Variants in COL20A1 observed in about 807,000 individuals in gnomAD.
COL20A1 encodes the protein collagen type XX alpha 1 chain.
Under a neutral mutation model 152.9 loss-of-function variants are expected in COL20A1, and 164 were observed. The observed-to-expected ratio is 1.07, with a 90% CI of 0.94 to 1.22. COL20A1 has a LOEUF of 1.22. COL20A1 is among the 50% of genes most tolerant of loss of function. The probability of loss-of-function intolerance (pLI) is 0.00; values close to 1 mark genes in which losing one functional copy is unlikely to be tolerated. For synonymous variants in COL20A1, 864 were observed against 756.0 expected, an observed-to-expected ratio of 1.14 and a Z score of -2.34; for missense variants, 1,873 against 1,744.8, an observed-to-expected ratio of 1.07 and a Z score of -1.31.
chr20:63,311,392 A>G lies in COL20A1; in HGVS notation c.1394-2A>G. 1 of 1,579,586 alleles carries G rather than the reference A, an allele frequency of 6.3e-7. No homozygotes were observed. The highest frequency in any genetic ancestry group is 8.6e-7 in the Non-Finnish European group (1 of 1,164,188). The stretch of plus-strand genomic sequence containing the variant: ...CTAAAGTGTCCCTGCATGGCCCCCC[A>G]GCACCTCTGCCTCCGCCCCGGGCGC... On this transcript the variant is annotated splice_acceptor_variant, in intron 11 of 35. Coordinates refer to ENST00000358894, the MANE Select transcript of COL20A1 (RefSeq NM_020882.4). LOFTEE classifies it high-confidence loss of function. This position sits in a 1 kb window ranked among gnomAD's most constrained non-coding sequence, Gnocchi z 4.4.
rs748341651 is a variant in COL20A1 at position 63,321,044 on chromosome 20, C to T, written c.3185C>T (p.Ser1062Phe). The change falls in exon 26 of 36, where the codon TCT (serine) becomes TTT (phenylalanine). Residue 1062 changes from serine (S) to phenylalanine (F), a missense_variant. Coordinates refer to ENST00000358894, the MANE Select transcript of COL20A1 (RefSeq NM_020882.4). ...RDGETCPAFV[S>F]ACSCSSETPG... Reference sequence around the variant, plus strand: ...GGAGAGACCTGCCCCGCCTTCGTGTCTGCCTGTTCCTGTTCCTCAGAGACC... The same window carrying T: ...GGAGAGACCTGCCCCGCCTTCGTGTTTGCCTGTTCCTGTTCCTCAGAGACC... 2.4e-5 allele frequency: 39 copies of T among 1,600,684 alleles called. No individual in the cohort carries two copies. Among genetic ancestry groups the T allele is most frequent in the Non-Finnish European group, 3.2e-5 (37 of 1,174,514 alleles).
At chr20:63,295,779 G>C (rs549366194) in intron 2 of COL20A1, among the ~76,000 whole-genome samples, 2 of 152,246 alleles carry the variant, frequency 1.3e-5, no homozygotes, top group Non-Finnish European at 2.9e-5. Context: ...TCTTCCTCCT[G>C]TTGAGAAATG....
intron 26 of COL20A1, 104 bp from the exon 27 acceptor site, chr20:63,321,954 C>A: frequency 2.3e-6 from 2 of 855,516 alleles, no homozygotes; most frequent in South Asian, 1.8e-5. Flanking sequence ...CTGGGTGGGG[C>A]ATGGGGCTCA....
intron 2 of COL20A1, among the ~76,000 whole-genome samples, chr20:63,296,517 T>C (rs1469760262): frequency 6.6e-6 from 1 of 152,180 alleles, no homozygotes; most frequent in Non-Finnish European, 1.5e-5. Context: ...TGGCCCAGGC[T>C]GGGTGCGGCC....
intron 35 of COL20A1, 32 bp from the exon 36 acceptor site, chr20:63,330,686 CCT>C (rs1568793367): frequency 6.6e-6 from 1 of 152,312 alleles, no homozygotes; most frequent in Non-Finnish European, 1.5e-5. Flanking sequence ...CTGTCTTCGG[CCT>C]CTCACATCTG....
At position 63,325,436 on chromosome 20, in the gene COL20A1, T is replaced by G. The variant is rs777469001; in HGVS notation, c.3295-5T>G. The G allele has an allele frequency of 6.2e-7, 1 of 1,611,440 alleles. No homozygotes were observed. Among genetic ancestry groups the G allele is most frequent in the South Asian group, 1.1e-5 (1 of 90,950 alleles). ...TTCGCTGTCCAGCCCATCTTCCCCC[T>G]CCAGGGTCCACCAGGGGTCAAAGGA... On this transcript the variant is annotated splice_region_variant and splice_polypyrimidine_tract_variant and intron_variant, in intron 27 of 35. Transcript: ENST00000358894.
intron 3 of COL20A1, among the ~76,000 whole-genome samples, chr20:63,304,170 T>C (rs1462545121): frequency 1.2e-4 from 12 of 99,934 alleles, no homozygotes; most frequent in Admixed American, 2.1e-4. Flanking sequence ...CCTCCCTCCC[T>C]TCCTCCCTCC....
intron 29 of COL20A1, among the ~76,000 whole-genome samples, 174 bp downstream of exon 29, chr20:63,325,895 GC>G (rs1182309523): frequency 6.6e-6 from 1 of 152,012 alleles, no homozygotes; most frequent in Non-Finnish European, 1.5e-5. Flanking sequence ...AGGCTGGAGA[GC>G]TCCAGCCCAC....
intron 2 of COL20A1, among the ~76,000 whole-genome samples, chr20:63,295,453 C>T (rs1208914714): frequency 6.6e-6 from 1 of 152,248 alleles, no homozygotes; most frequent in Admixed American, 6.5e-5. Context: ...CCACGAACAC[C>T]TTTCGGAGCA....
At position 63,311,302 on chromosome 20, in the gene COL20A1, C is replaced by T. The variant is rs754754418; in HGVS notation, c.1394-92C>T. 87 of 1,351,992 alleles carry T rather than the reference C, an allele frequency of 6.4e-5. No homozygotes were observed. The highest frequency in any genetic ancestry group is 6.4e-4 in the Middle Eastern group (3 of 4,716). The allele number at this position is 1,351,992 out of a possible 1,614,324, so 83.7% of individuals were successfully genotyped here. A position where few individuals can be genotyped will look rare whatever the true frequency, so the allele number is the denominator to read the frequency against. ...TCCTGTGCACCTGCCAGGCGGTGGC[C>T]GTGCCCACCCACTCTGGTGTGAGGG... is the stretch of plus-strand genomic sequence containing the variant. On this transcript the variant is annotated intron_variant, in intron 11 of 35. Coordinates refer to ENST00000358894, the MANE Select transcript of COL20A1 (RefSeq NM_020882.4). This position sits in a 1 kb window ranked among gnomAD's most constrained non-coding sequence, Gnocchi z 4.4.
chr20:63,296,002 C>T (rs1162906936), intron 2 of COL20A1, among the ~76,000 whole-genome samples: 1 of 152,256 alleles, frequency 6.6e-6, no homozygotes, highest in Non-Finnish European at 1.5e-5. Context: ...TTTAAAGCAC[C>T]CCCACCAGGG....
Position 63,295,101 on chromosome 20 carries a change from G to A in COL20A1, c.-7G>A, listed in dbSNP as rs1364905352. On this transcript the variant is annotated 5_prime_UTR_variant, in exon 2 of 36. Transcript: ENST00000358894. The stretch of plus-strand genomic sequence containing the variant: ...CATGGCCTCTTCCCTGCCACAGCCC[G>A]AGCACCATGAGCTCCGGAGACCCTG... The A allele has an allele frequency of 1.4e-5, 22 of 1,548,236 alleles. No individual in the cohort carries two copies. In the African/African-American group the frequency reaches 1.5e-4, roughly 11 times the overall value.
In COL20A1 at chr20:63,315,422, C is replaced by T. The variant is rs1401705564; in HGVS notation, c.2507C>T (p.Pro836Leu). Reference protein sequence around the residue: ...TGQTACPALRPDGSLPGFDLM... With the variant: ...TGQTACPALRLDGSLPGFDLM... ...TCAGCAGCCTGCCCAGCCCTCCGCCCTGACGGCTCCCTCCCAGGTGGGTCC... is the reference window on the plus strand; with the variant it reads ...TCAGCAGCCTGCCCAGCCCTCCGCCTTGACGGCTCCCTCCCAGGTGGGTCC... The change falls in exon 20 of 36, where the codon CCT becomes CTT. Residue 836 changes from proline (P) to leucine (L), a missense_variant. Physicochemically the swap from Pro to Leu is moderately conservative, Grantham distance 98. Coordinates refer to ENST00000358894, the MANE Select transcript of COL20A1 (RefSeq NM_020882.4). 13 of 1,579,384 alleles carry T rather than the reference C, an allele frequency of 8.2e-6. No homozygotes were observed. Among genetic ancestry groups the T allele is most frequent in the Admixed American group, 1.8e-5 (1 of 56,374 alleles).
At chr20:63,312,608 G>A (rs2068024622) in intron 15 of COL20A1, 59 bp downstream of exon 15, 2 of 1,513,260 alleles carry the variant, frequency 1.3e-6, no homozygotes, top group Non-Finnish European at 1.8e-6. Context: ...CTTCTGCCCT[G>A]CTAGACAGTT....
At chr20:63,326,964 C>T in intron 31 of COL20A1, 141 bp downstream of exon 31, 1 of 547,840 alleles carries the variant, frequency 1.8e-6, no homozygotes, top group African/African-American at 2.0e-5. Context: ...TGTTGACAGC[C>T]CACAGACTTC....
Position 63,307,646 on chromosome 20 carries a change from T to G in COL20A1, c.653T>G (p.Val218Gly). The G allele has an allele frequency of 6.2e-7, 1 of 1,611,880 alleles. No homozygotes were observed. Among genetic ancestry groups the G allele is most frequent in the Non-Finnish European group, 8.5e-7 (1 of 1,179,292 alleles). The change falls in exon 6 of 36, where the codon GTA becomes GGA. Residue 218 changes from valine to glycine, a missense_variant and splice_region_variant. By Grantham distance (109) the Val-to-Gly change is moderately radical. Coordinates refer to ENST00000358894, the MANE Select transcript of COL20A1 (RefSeq NM_020882.4). ...GAAATCGGGCCGGATAAGGTCCAAGTAGGTGGGTGCTGGCCCGGCCCGCCT... is the reference window on the plus strand; with the variant it reads ...GAAATCGGGCCGGATAAGGTCCAAGGAGGTGGGTGCTGGCCCGGCCCGCCT... ...PFEIGPDKVQ[V>G]GLTQYSGDAQ...
chr20:63,297,404 CCAGGGGCCCCAGCCCAGGGGACTTAGCT>C (rs1568761843), intron 2 of COL20A1, among the ~76,000 whole-genome samples: 2 of 142,576 alleles, frequency 1.4e-5, no homozygotes, highest in Non-Finnish European at 1.6e-5. Flanking sequence ...GGGACTCAGC[CCAGGGGCCCCAGCCCAGGGGACTTAGCT>C]CAGGGGACCC....
chr20:63,326,808 G>A lies in COL20A1; in HGVS notation c.3513G>A (p.Gly1171=), dbSNP rs1171825960. ...CTAGTGGAGAGCGAGGACCTCCAGGGACCGTGGGGCCCACAGTAAGTGCAT... is the reference window on the plus strand; with the variant it reads ...CTAGTGGAGAGCGAGGACCTCCAGGAACCGTGGGGCCCACAGTAAGTGCAT... The part of the protein sequence containing the change: ...RGTSGERGPP[G]TVGPTGLPGP... The change falls in exon 31 of 36, where the codon GGG becomes GGA. Residue 1171 remains glycine (G), a synonymous_variant. Coordinates refer to ENST00000358894, the MANE Select transcript of COL20A1 (RefSeq NM_020882.4). The A allele has an allele frequency of 2.7e-6, 4 of 1,503,154 alleles. No individual in the cohort carries two copies. Among genetic ancestry groups the A allele is most frequent in the Middle Eastern group, 1.7e-4 (1 of 5,762 alleles). The allele number at this position is 1,503,154 out of a possible 1,614,324, so 93.1% of individuals were successfully genotyped here. A position where few individuals can be genotyped will look rare whatever the true frequency, so the allele number is the denominator to read the frequency against.
chr20:63,313,956 A>G lies in COL20A1; in HGVS notation c.2358+65A>G. 6.3e-7 allele frequency: 1 copy of G among 1,589,254 alleles called. No individual in the cohort carries two copies. Among genetic ancestry groups the G allele is most frequent in the South Asian group, 1.2e-5 (1 of 86,436 alleles). ...GGCCTCCTGGAAGGGGTATGGCCAC[A>G]CTGTCTGCGAAGGGTGGCAGCTCTG... On this transcript the variant is annotated intron_variant, in intron 18 of 35. Coordinates refer to ENST00000358894, the MANE Select transcript of COL20A1 (RefSeq NM_020882.4). This position sits in a 1 kb window ranked among gnomAD's most constrained non-coding sequence, Gnocchi z 5.9.
Sources: allele counts gnomAD v4.1 joint callset (sites outside exome capture counted in the v4.1 genomes callset), GRCh38; gene constraint gnomAD v4.1.1; non-coding constraint Gnocchi (gnomAD v3.1); transcripts MANE v1.5; gene names NCBI Gene and HGNC (gene_info 2026-07-23, HGNC 2026-07-21).